Variants in STX16 observed in about 807,000 individuals in gnomAD.
STX16 encodes syntaxin-16.
In STX16, 28 loss-of-function variants were observed where a neutral mutation model predicts 42.7. The observed-to-expected ratio is 0.66, with a 90% CI of 0.49 to 0.90. The LOEUF is 0.90. Among genes scored for constraint, STX16 ranks in the 40% least tolerant of loss-of-function variants. The pLI is 0.00. For missense variants in STX16, 361 were observed against 420.9 expected (o/e 0.86, Z 1.24); for synonymous variants, 156 against 155.2 (o/e 1.00, Z -0.04).
chr20:58,659,635 G>T lies in STX16; in HGVS notation c.144+1G>T, dbSNP rs1257194984. 6.2e-7 allele frequency: 1 copy of T among 1,612,554 alleles called. No individual in the cohort carries two copies. The highest frequency in any genetic ancestry group is 1.7e-5 in the Admixed American group (1 of 59,548). On this transcript the variant is annotated splice_donor_variant, in intron 2 of 8. Transcript: ENST00000371141. LOFTEE classifies it high-confidence loss of function. Reference sequence around the variant, plus strand: ...CATGTCTCTTCAGGAGCTGGACGAGGTATTGTGTTTTGAATATTTTTATAT... The same window carrying T: ...CATGTCTCTTCAGGAGCTGGACGAGTTATTGTGTTTTGAATATTTTTATAT...
At chr20:58,674,688 G>A (rs376024523) in intron 8 of STX16, among the ~76,000 whole-genome samples, 1 of 152,154 alleles carries the variant, frequency 6.6e-6, no homozygotes, top group East Asian at 1.9e-4. Flanking sequence ...TCCAGCCTGT[G>A]GTGGGAAGAG....
chr20:58,673,074 A>G (rs2084018929), intron 7 of STX16, among the ~76,000 whole-genome samples: 4 of 152,240 alleles, frequency 2.6e-5, no homozygotes. Flanking sequence ...TTAAGAGATT[A>G]AACAATTAAA....
intron 4 of STX16, 147 bp from the exon 5 acceptor site, chr20:58,669,144 C>T (rs931962026): frequency 2.0e-5 from 16 of 783,030 alleles, no homozygotes; most frequent in South Asian, 1.9e-4. Flanking sequence ...TAAATGAAGC[C>T]ACAGATTCCT....
chr20:58,665,375 AT>A (rs1347454157), intron 2 of STX16, among the ~76,000 whole-genome samples: 1 of 151,838 alleles, frequency 6.6e-6, no homozygotes. Context: ...GTCTTGATTC[AT>A]TTTCTTAGCA....
At position 58,667,593 on chromosome 20, in the gene STX16, A is replaced by T; in HGVS notation, c.248A>T (p.Asp83Val). ...CCTCCTAAGTGGGTGGATGGAGTGG[A>T]TGAAGTAAGTTCCATGTTAGTTTCA... Reference protein sequence around the residue: ...RPPPKWVDGVDEIQYDVGRIK... With the variant: ...RPPPKWVDGVVEIQYDVGRIK... Residue 83 changes from aspartate (D) to valine (V), a missense_variant, in exon 3 of 9, where the codon GAT (aspartate) becomes GTT (valine). Asp to Val is a radical substitution (Grantham distance 152). Coordinates refer to ENST00000371141, the MANE Select transcript of STX16 (RefSeq NM_001001433.3). The T allele has an allele frequency of 6.2e-7, 1 of 1,613,076 alleles. No individual in the cohort carries two copies. Among genetic ancestry groups the T allele is most frequent in the East Asian group, 2.2e-5 (1 of 44,878 alleles).
rs962113208 is a variant in STX16 at position 58,679,490 on chromosome 20, A to G, written c.*3199A>G. The G allele has an allele frequency of 2.0e-5, 3 of 152,658 alleles. No individual in the cohort carries two copies. The highest frequency in any genetic ancestry group is 2.9e-5 in the Non-Finnish European group (2 of 68,042). 9.5% of individuals were successfully genotyped at this position (152,658 alleles called of 1,614,324 possible). A position where few individuals can be genotyped will look rare whatever the true frequency, so the allele number is the denominator to read the frequency against. On this transcript the variant is annotated 3_prime_UTR_variant, in exon 9 of 9. Coordinates refer to ENST00000371141, the MANE Select transcript of STX16 (RefSeq NM_001001433.3). ...TTTGTACAATAAAGCAATCACGCAGATTAAAGAACATCCTGCAATCCTAGT... is the reference window on the plus strand; with the variant it reads ...TTTGTACAATAAAGCAATCACGCAGGTTAAAGAACATCCTGCAATCCTAGT...
intron 5 of STX16, among the ~76,000 whole-genome samples, chr20:58,670,013 T>A (rs749442542): frequency 6.6e-6 from 1 of 152,216 alleles, no homozygotes; most frequent in African/African-American, 2.4e-5. Context: ...CTGGGTTTTT[T>A]AAAATTGCCC....
Position 58,677,559 on chromosome 20 carries a change from A to C in STX16, c.*1268A>C, listed in dbSNP as rs1307229425. The C allele has an allele frequency of 1.3e-5, 2 of 152,186 alleles. No homozygotes were observed. Among genetic ancestry groups the C allele is most frequent in the African/African-American group, 4.8e-5 (2 of 41,434 alleles). 9.4% of individuals were successfully genotyped at this position (152,186 alleles called of 1,614,324 possible). On this transcript the variant is annotated 3_prime_UTR_variant, in exon 9 of 9. Transcript: ENST00000371141. ...GTGTGGAAAGTGATGGTAACTTTGAAGTTGTTCATGTTTTATTGGCTTTGT... is the reference window on the plus strand; with the variant it reads ...GTGTGGAAAGTGATGGTAACTTTGACGTTGTTCATGTTTTATTGGCTTTGT...
intron 2 of STX16, chr20:58,667,225 T>C: frequency 1.8e-6 from 1 of 557,524 alleles, no homozygotes; most frequent in East Asian, 4.1e-5. Context: ...ATTTACGTTC[T>C]GAAGTATGTC....
chr20:58,668,435 G>A (rs2083891978), intron 4 of STX16, among the ~76,000 whole-genome samples: 1 of 152,148 alleles, frequency 6.6e-6, no homozygotes, highest in Admixed American at 6.6e-5. Context: ...GTATACTAGT[G>A]TTAAGAAATT....
chr20:58,655,843 A>G (rs977249207), intron 1 of STX16, among the ~76,000 whole-genome samples: 4 of 152,220 alleles, frequency 2.6e-5, no homozygotes, highest in Admixed American at 2.6e-4. Flanking sequence ...TTCAGCATCC[A>G]GAACTGAGCA....
chr20:58,670,761 A>T (rs1336184325), intron 6 of STX16, among the ~76,000 whole-genome samples, 158 bp downstream of exon 6: 1 of 152,232 alleles, frequency 6.6e-6, no homozygotes, highest in Non-Finnish European at 1.5e-5. Flanking sequence ...GAACAGCCGT[A>T]CTGTTTCTTC....
At position 58,655,394 on chromosome 20, in the gene STX16, A is replaced by T. The variant is rs1319351115; in HGVS notation, c.132+3256A>T. Among the ~76,000 whole-genome samples the T allele has an allele frequency of 2.6e-5, 4 of 152,168 alleles. No homozygotes were observed. The East Asian group carries it at 7.7e-4, about 29-fold the overall frequency. On this transcript the variant is annotated intron_variant, in intron 1 of 8. Coordinates refer to ENST00000371141, the MANE Select transcript of STX16 (RefSeq NM_001001433.3). ...AGAATTTGGTTGTTGTAGTGGGGTTATTGTGTGTCCCTGTGCGTGCATACA... is the reference window on the plus strand; with the variant it reads ...AGAATTTGGTTGTTGTAGTGGGGTTTTTGTGTGTCCCTGTGCGTGCATACA...
rs551103486 is a variant in STX16 at position 58,657,002 on chromosome 20, ACT to A, written c.133-2618_133-2617del. ...CTGATGGCTGGGGGCTGTGATTGGA[ACT>A]CTGGCAAATCTGGCTTCAGAGCCCC... On this transcript the variant is annotated intron_variant, in intron 1 of 8. Transcript: ENST00000371141. The surrounding 1 kb of genome is among the most constrained non-coding windows in gnomAD (Gnocchi z 4.2). Among the ~76,000 whole-genome samples the A allele has an allele frequency of 1.3e-5, 2 of 151,630 alleles. No individual in the cohort carries two copies. Among genetic ancestry groups the A allele is most frequent in the Non-Finnish European group, 2.9e-5 (2 of 67,920 alleles).
At chr20:58,660,739 T>TC (rs1555840179) in intron 2 of STX16, among the ~76,000 whole-genome samples, 28 of 139,504 alleles carry the variant, frequency 2.0e-4, no homozygotes, top group African/African-American at 6.8e-4. Context: ...TTTTTTTTTT[T>TC]CAGGAAAAAT....
chr20:58,662,528 T>G (rs1312636994), intron 2 of STX16, among the ~76,000 whole-genome samples: 2 of 152,236 alleles, frequency 1.3e-5, no homozygotes, highest in African/African-American at 4.8e-5. Context: ...TTTATTTTTT[T>G]GAGACAGAGT....
In STX16 at chr20:58,676,525, C is replaced by A; in HGVS notation, c.*234C>A. 1 of 479,184 alleles carries A rather than the reference C, an allele frequency of 2.1e-6. No individual in the cohort carries two copies. Among genetic ancestry groups the A allele is most frequent in the Non-Finnish European group, 3.7e-6 (1 of 271,126 alleles). The allele number at this position is 479,184 out of a possible 1,614,324, so 29.7% of individuals were successfully genotyped here. On this transcript the variant is annotated 3_prime_UTR_variant, in exon 9 of 9. Transcript: ENST00000371141. ...AATTTAAGGACCTTTGATACTGCTG[C>A]ACAATAGAGATTGAGTTCTGGGATC...
intron 2 of STX16, among the ~76,000 whole-genome samples, chr20:58,664,760 C>A (rs1268947688): frequency 6.6e-6 from 1 of 152,150 alleles, no homozygotes; most frequent in Non-Finnish European, 1.5e-5. Context: ...TAGATAGATA[C>A]CATCTCTCTG....
chr20:58,660,902 A>G (rs1490113214), intron 2 of STX16, among the ~76,000 whole-genome samples: 2 of 151,030 alleles, frequency 1.3e-5, no homozygotes, highest in East Asian at 3.9e-4. Context: ...TTTTTAAACC[A>G]TGTGCATGTA....
Sources: allele counts gnomAD v4.1 joint callset (sites outside exome capture counted in the v4.1 genomes callset), GRCh38; gene constraint gnomAD v4.1.1; non-coding constraint Gnocchi (gnomAD v3.1); transcripts MANE v1.5; gene names NCBI Gene and HGNC (gene_info 2026-07-23, HGNC 2026-07-21).